The following SPMIP2 variants were observed in gnomAD, a reference collection of about 807,000 sequenced individuals.
SPMIP2 encodes the protein sperm microtubule inner protein 2.
At chr4:158,981,251 G>A in the SPMIP2 span, among the ~76,000 whole-genome samples, 1 of 152,184 alleles carries the variant, frequency 6.6e-6, no homozygotes, top group Non-Finnish European at 1.5e-5. Context: ...GAAAGTGACA[G>A]GGAGAATGGA....
the SPMIP2 span, among the ~76,000 whole-genome samples, chr4:158,991,007 G>T: frequency 2.6e-5 from 4 of 152,094 alleles, no homozygotes; most frequent in Non-Finnish European, 4.4e-5. Flanking sequence ...TGGACTTCTG[G>T]GTTCAAATGA....
At chr4:159,028,153 T>G in the SPMIP2 span, among the ~76,000 whole-genome samples, 2 of 152,222 alleles carry the variant, frequency 1.3e-5, no homozygotes, top group Non-Finnish European at 2.9e-5. Flanking sequence ...TTAACTTACC[T>G]GAACCCTGAG....
At chr4:158,918,137 C>G in the SPMIP2 span, among the ~76,000 whole-genome samples, 6 of 152,212 alleles carry the variant, frequency 3.9e-5, no homozygotes, top group Non-Finnish European at 8.8e-5. Flanking sequence ...CATTGGCTCC[C>G]CAGTGCCATT....
At chr4:158,930,076 AC>A in the SPMIP2 span, among the ~76,000 whole-genome samples, 1 of 152,360 alleles carries the variant, frequency 6.6e-6, no homozygotes, top group African/African-American at 2.4e-5. Context: ...ATTTCTGCAT[AC>A]ATAGAATTCT....
the SPMIP2 span, among the ~76,000 whole-genome samples, chr4:158,910,956 C>T: frequency 6.6e-6 from 1 of 152,096 alleles, no homozygotes; most frequent in Non-Finnish European, 1.5e-5. Context: ...GGAGATCAGT[C>T]CAATGATATG....
At chr4:159,010,284 T>C in the SPMIP2 span, among the ~76,000 whole-genome samples, 918 of 152,312 alleles carry the variant, frequency 6.0e-3, 9 homozygotes, top group African/African-American at 0.021. Context: ...AGGTATGACC[T>C]TGCACTCTAT....
the SPMIP2 span, among the ~76,000 whole-genome samples, chr4:159,054,824 G>A: frequency 5.6e-5 from 5 of 88,552 alleles, no homozygotes; most frequent in Non-Finnish European, 9.1e-5. Context: ...CTCCCACCCT[G>A]CCCCTTGCCA....
the SPMIP2 span, among the ~76,000 whole-genome samples, chr4:159,059,573 A>G: frequency 6.6e-6 from 1 of 152,068 alleles, no homozygotes; most frequent in African/African-American, 2.4e-5. Context: ...GGGTCTTGCT[A>G]TGTTGCCCAG....
the SPMIP2 span, among the ~76,000 whole-genome samples, chr4:158,971,906 T>C: frequency 6.6e-6 from 1 of 152,138 alleles, no homozygotes; most frequent in African/African-American, 2.4e-5. Context: ...GATGATCCTG[T>C]GAAGTGGGCC....
the SPMIP2 span, chr4:158,904,319 C>T: frequency 7.6e-6 from 5 of 657,100 alleles, no homozygotes; most frequent in African/African-American, 9.1e-5. Flanking sequence ...TATTATCCTT[C>T]CATCTGTTTT....
chr4:159,031,029 A>G, the SPMIP2 span, among the ~76,000 whole-genome samples: 1 of 152,162 alleles, frequency 6.6e-6, no homozygotes, highest in African/African-American at 2.4e-5. Flanking sequence ...TTTTATCACA[A>G]TTACACAATA....
chr4:158,961,062 C>A, the SPMIP2 span, among the ~76,000 whole-genome samples: 1 of 152,062 alleles, frequency 6.6e-6, no homozygotes, highest in South Asian at 2.1e-4. Context: ...ATAACCATTT[C>A]TCAAATTTCT....
At chr4:158,968,436 T>C in the SPMIP2 span, among the ~76,000 whole-genome samples, 1 of 152,138 alleles carries the variant, frequency 6.6e-6, no homozygotes, top group African/African-American at 2.4e-5. Context: ...ATGCATACCT[T>C]ATAAGATAAA....
At chr4:159,062,729 C>CTCTCTCTCTCT in the SPMIP2 span, among the ~76,000 whole-genome samples, 71 of 150,280 alleles carry the variant, frequency 4.7e-4, no homozygotes, top group South Asian at 1.1e-3. Context: ...CTCTCTGTCA[C>CTCTCTCTCTCT]CCAGGCTGGA....
chr4:159,052,569 G>C, the SPMIP2 span, among the ~76,000 whole-genome samples: 89 of 152,150 alleles, frequency 5.8e-4, no homozygotes, highest in African/African-American at 2.1e-3. Flanking sequence ...CGTAGATGGG[G>C]TAGTGATGCT....
the SPMIP2 span, among the ~76,000 whole-genome samples, chr4:159,029,761 C>T: frequency 6.6e-6 from 1 of 152,104 alleles, no homozygotes; most frequent in Non-Finnish European, 1.5e-5. Flanking sequence ...GCAAATCAAC[C>T]CTATTATGTT....
the SPMIP2 span, among the ~76,000 whole-genome samples, chr4:159,034,665 C>A: frequency 1.3e-5 from 2 of 152,132 alleles, no homozygotes; most frequent in Non-Finnish European, 2.9e-5. Flanking sequence ...CCTATGCAGG[C>A]AGATCACCTG....
the SPMIP2 span, among the ~76,000 whole-genome samples, chr4:159,023,099 G>C: frequency 6.6e-6 from 1 of 151,824 alleles, no homozygotes; most frequent in Non-Finnish European, 1.5e-5. Flanking sequence ...TATGTATATA[G>C]TGTGTGTGTC....
chr4:158,909,697 T>C, the SPMIP2 span, among the ~76,000 whole-genome samples: 8 of 150,726 alleles, frequency 5.3e-5, no homozygotes, highest in Admixed American at 1.3e-4. Flanking sequence ...CCTCAGCCTC[T>C]CAAGTACCAG....
Sources: allele counts gnomAD v4.1 joint callset (sites outside exome capture counted in the v4.1 genomes callset), GRCh38; gene constraint gnomAD v4.1.1; transcripts MANE v1.5; gene names NCBI Gene and HGNC (gene_info 2026-07-23, HGNC 2026-07-21).